STOX2: variants seen among roughly 807,000 people sequenced by gnomAD.
STOX2 encodes storkhead-box protein 2.
STOX2 carries 28 observed loss-of-function variants against 60.9 expected under a neutral mutation model. The ratio of observed to expected loss-of-function variants is 0.46; its 90% CI spans 0.34 to 0.63. The LOEUF (loss-of-function observed/expected upper bound fraction) is 0.63. Among genes scored for constraint, STOX2 ranks in the 30% least tolerant of loss-of-function variants. The pLI, the probability that STOX2 is intolerant of heterozygous loss-of-function variation, is 0.01. For missense variants in STOX2, 1,024 were observed against 1,187.7 expected, an observed-to-expected ratio of 0.86 and a Z score of 2.03; for synonymous variants, 472 against 463.9, an observed-to-expected ratio of 1.02 and a Z score of -0.22.
chr4:183,998,077 A>G (rs1010981375), intron 1 of STOX2, among the ~76,000 whole-genome samples: 15 of 152,208 alleles, frequency 9.9e-5, no homozygotes, highest in African/African-American at 3.6e-4. Context: ...CTTATGACCT[A>G]TACAAAAATC....
At position 183,931,944 on chromosome 4, in the gene STOX2, G is replaced by A. The variant is rs371545132; in HGVS notation, c.166+24988G>A. On this transcript the variant is annotated intron_variant, in intron 1 of 3. Transcript: ENST00000308497. ...GTGGAAGGCAGAGAAGGATTGGAGC[G>A]GGCAAGAAGGGAGGCATGGAGACCA... 9.2e-5 allele frequency among the ~76,000 whole-genome samples: 14 copies of A among 152,222 alleles called. No homozygotes were observed. The South Asian group carries it at 1.2e-3, about 14-fold the overall frequency.
At chr4:183,940,308 A>G (rs2111128279) in intron 1 of STOX2, among the ~76,000 whole-genome samples, 1 of 152,344 alleles carries the variant, frequency 6.6e-6, no homozygotes, top group Non-Finnish European at 1.5e-5. Context: ...AGGGCAAAAG[A>G]AACACCTAGT....
intron 1 of STOX2, among the ~76,000 whole-genome samples, chr4:183,813,945 T>C (rs1739095433): frequency 6.6e-6 from 1 of 152,238 alleles, no homozygotes; most frequent in East Asian, 1.9e-4. Context: ...AATGTTCATA[T>C]AGTTTGATGT....
chr4:183,953,183 A>G (rs1388779251), intron 1 of STOX2, among the ~76,000 whole-genome samples: 1 of 151,828 alleles, frequency 6.6e-6, no homozygotes, highest in Non-Finnish European at 1.5e-5. Flanking sequence ...AACTTAAAGT[A>G]TAATTTTAAA....
intron 1 of STOX2, among the ~76,000 whole-genome samples, chr4:183,835,203 A>G (rs77571213): frequency 0.01 from 1,532 of 151,540 alleles, 29 homozygotes; most frequent in African/African-American, 0.035. Flanking sequence ...CTAAGACTTC[A>G]TCATAGTGTC....
rs1482705603 is a variant in STOX2, at chr4:183,836,487, G to T, written c.364+38432G>T. On this transcript the variant is annotated intron_variant, in intron 1 of 2. Transcript: ENST00000513034. This position sits in a 1 kb window ranked among gnomAD's most constrained non-coding sequence, Gnocchi z 4.1. ...TGCAAAGTCTATGCTCCAGGCTGCT[G>T]CAATCTTAGGGCACGACTCTACTTT... Among the ~76,000 whole-genome samples, 1 of 152,172 alleles carries T rather than the reference G, an allele frequency of 6.6e-6. No individual in the cohort carries two copies. The highest frequency in any genetic ancestry group is 1.5e-5 in the Non-Finnish European group (1 of 68,044).
intron 1 of STOX2, among the ~76,000 whole-genome samples, chr4:183,835,251 G>A (rs979135330): frequency 2.7e-5 from 4 of 148,690 alleles, no homozygotes; most frequent in African/African-American, 1.0e-4. Context: ...TTGAGACGGA[G>A]TCTGGCTCTG....
rs560691429 is a variant in STOX2, at chr4:183,836,680, C to T, written c.364+38625C>T. Among the ~76,000 whole-genome samples the T allele has an allele frequency of 1.3e-5, 2 of 152,306 alleles. No homozygotes were observed. Among genetic ancestry groups the T allele is most frequent in the East Asian group, 3.9e-4 (2 of 5,184 alleles). Reference sequence around the variant, plus strand: ...TAGTGAGCATCAGCAGTGTCCATCGCAGTCACCGTCTCCCATTTCGTGGCA... The same window carrying T: ...TAGTGAGCATCAGCAGTGTCCATCGTAGTCACCGTCTCCCATTTCGTGGCA... On this transcript the variant is annotated intron_variant, in intron 1 of 2. Transcript: ENST00000513034. This position sits in a 1 kb window ranked among gnomAD's most constrained non-coding sequence, Gnocchi z 4.1.
At chr4:183,857,143 T>C (rs148235834) in intron 1 of STOX2, among the ~76,000 whole-genome samples, 7 of 152,178 alleles carry the variant, frequency 4.6e-5, no homozygotes, top group African/African-American at 1.7e-4. Context: ...GAACTGGTTA[T>C]CCCGCAGGAC....
chr4:183,953,651 C>T (rs1030308341), intron 1 of STOX2, among the ~76,000 whole-genome samples: 6 of 150,314 alleles, frequency 4.0e-5, no homozygotes, highest in South Asian at 2.1e-4. Context: ...CTGCAACCTC[C>T]GCCTCCCGAG....
chr4:183,814,145 A>G (rs1739099099), intron 1 of STOX2, among the ~76,000 whole-genome samples: 1 of 152,214 alleles, frequency 6.6e-6, no homozygotes, highest in Non-Finnish European at 1.5e-5. Flanking sequence ...AATGCCACGA[A>G]TGGAAAATAT....
intron 1 of STOX2, among the ~76,000 whole-genome samples, chr4:183,817,250 G>A (rs1311657187): frequency 6.6e-6 from 1 of 152,212 alleles, no homozygotes; most frequent in Non-Finnish European, 1.5e-5. Flanking sequence ...TTTCAAAACT[G>A]CTTAGTAATC....
intron 1 of STOX2, among the ~76,000 whole-genome samples, chr4:183,812,388 A>G (rs755395001): frequency 6.6e-6 from 1 of 152,240 alleles, no homozygotes; most frequent in Non-Finnish European, 1.5e-5. Context: ...ATAAAGTTGC[A>G]TTGTGCTTAA....
In STOX2 at chr4:184,009,306, A is replaced by G. The variant is rs778505092; in HGVS notation, c.468A>G (p.Lys156=). 1.9e-6 allele frequency: 3 copies of G among 1,613,920 alleles called. No homozygotes were observed. Among genetic ancestry groups the G allele is most frequent in the Non-Finnish European group, 2.5e-6 (3 of 1,179,872 alleles). ...CTTCCCTCATAAGAACTAACAGTAA[A>G]TGGTACCATTTGGACGAGAGGATAC... The part of the protein sequence containing the change: ...ITPSLIRTNS[K]WYHLDERIPD... Residue 156 remains lysine (K), a synonymous_variant, in exon 3 of 4, where the codon AAA becomes AAG. Coordinates refer to ENST00000308497, the MANE Select transcript of STOX2 (RefSeq NM_020225.3). This position sits in a 1 kb window ranked among gnomAD's most constrained non-coding sequence, Gnocchi z 4.0.
intron 1 of STOX2, among the ~76,000 whole-genome samples, chr4:183,983,299 G>C (rs1357265921): frequency 6.6e-6 from 1 of 152,018 alleles, no homozygotes; most frequent in African/African-American, 2.4e-5. Flanking sequence ...ATCTTTCTTT[G>C]CTCTCCTGGT....
chr4:183,953,443 AG>A (rs1743153433), intron 1 of STOX2, among the ~76,000 whole-genome samples: 1 of 152,202 alleles, frequency 6.6e-6, no homozygotes, highest in Non-Finnish European at 1.5e-5. Flanking sequence ...TCCTGGAGGC[AG>A]GGGTGCCCCT....
chr4:183,832,845 A>G (rs932752647), intron 1 of STOX2, among the ~76,000 whole-genome samples: 1 of 152,204 alleles, frequency 6.6e-6, no homozygotes, highest in South Asian at 2.1e-4. Flanking sequence ...TCTCGGCTCA[A>G]TTAAAAAGAT....
intron 1 of STOX2, among the ~76,000 whole-genome samples, chr4:183,947,089 G>C (rs1479516693): frequency 1.4e-5 from 2 of 146,518 alleles, no homozygotes; most frequent in Non-Finnish European, 3.0e-5. Context: ...TGGGGGGTGG[G>C]GCAAGGGGGC....
At chr4:183,883,926 ACTGCAACCTCCG>A (rs1741016316) in intron 1 of STOX2, among the ~76,000 whole-genome samples, 1 of 150,158 alleles carries the variant, frequency 6.7e-6, no homozygotes, top group African/African-American at 2.5e-5. Flanking sequence ...ATCTCATCTC[ACTGCAACCTCCG>A]CCTCCTGGGT....
Sources: gnomAD v4.1 joint callset for allele counts (sites outside exome capture counted in the v4.1 genomes callset) on GRCh38, gnomAD v4.1.1 for gene constraint, Gnocchi (gnomAD v3.1) non-coding constraint, MANE v1.5 for transcripts, NCBI Gene and HGNC (gene_info 2026-07-23, HGNC 2026-07-21) for gene names.